The following ZNF236 variants were observed in gnomAD, a reference collection of about 807,000 sequenced individuals.
The protein encoded by ZNF236 is zinc finger protein 236.
Under a neutral mutation model 191.2 loss-of-function variants are expected in ZNF236, and 50 were observed. The observed-to-expected ratio is 0.26, with a 90% CI of 0.21 to 0.33. The LOEUF (loss-of-function observed/expected upper bound fraction) is 0.33, where lower values mean the gene tolerates loss of function less well. Ranked by LOEUF, ZNF236 falls within the 10% of genes least tolerant of loss-of-function variation. ZNF236 has a pLI of 1.00. For synonymous variants in ZNF236, 907 were observed against 928.8 expected, an observed-to-expected ratio of 0.98 and a Z score of 0.43; for missense variants, 1,754 against 2,374.5, an observed-to-expected ratio of 0.74 and a Z score of 5.43.
intron 10 of ZNF236, among the ~76,000 whole-genome samples, chr18:76,897,425 AAC>A (rs1977462450): frequency 6.6e-6 from 1 of 151,374 alleles, no homozygotes; most frequent in African/African-American, 2.4e-5. Flanking sequence ...TACAGTACTA[AAC>A]ACAGTACTAC....
intron 26 of ZNF236, among the ~76,000 whole-genome samples, chr18:76,941,137 G>T (rs539316287): frequency 2.0e-5 from 3 of 152,204 alleles, no homozygotes; most frequent in Non-Finnish European, 4.4e-5. Flanking sequence ...GACTGCTGGT[G>T]TAGTGCACAA....
intron 30 of ZNF236, among the ~76,000 whole-genome samples, chr18:76,962,256 T>C (rs555891918): frequency 6.6e-6 from 1 of 152,310 alleles, no homozygotes; most frequent in East Asian, 1.9e-4. Context: ...GAAGATCCAG[T>C]TTCATTCTCC....
At chr18:76,941,432 C>T (rs930480972) in intron 26 of ZNF236, among the ~76,000 whole-genome samples, 3 of 152,210 alleles carry the variant, frequency 2.0e-5, no homozygotes, top group African/African-American at 7.2e-5. Context: ...GCCCCTGCTA[C>T]GCCACGTGGA....
At chr18:76,837,127 T>TCCC (rs57114708) in intron 1 of ZNF236, among the ~76,000 whole-genome samples, 3 of 37,084 alleles carry the variant, frequency 8.1e-5, no homozygotes, top group South Asian at 3.2e-3. Flanking sequence ...CCGCACCCCC[T>TCCC]CCCCCCCCCC....
intron 11 of ZNF236, among the ~76,000 whole-genome samples, chr18:76,900,582 A>G (rs1977560955): frequency 6.6e-6 from 1 of 152,222 alleles, no homozygotes; most frequent in Admixed American, 6.5e-5. Flanking sequence ...AACTTATAAA[A>G]TAGCCATCCA....
At chr18:76,846,390 C>G (rs1975681735) in intron 1 of ZNF236, among the ~76,000 whole-genome samples, 1 of 152,192 alleles carries the variant, frequency 6.6e-6, no homozygotes, top group African/African-American at 2.4e-5. Flanking sequence ...TGACTTTGAG[C>G]AGAAGGAAAG....
intron 26 of ZNF236, among the ~76,000 whole-genome samples, chr18:76,946,364 C>T (rs1968262696): frequency 6.6e-6 from 1 of 152,200 alleles, no homozygotes. Context: ...TCCAATTAAA[C>T]CTCTTTCTTT....
intron 9 of ZNF236, among the ~76,000 whole-genome samples, chr18:76,889,384 G>A (rs982820702): frequency 2.0e-5 from 3 of 152,128 alleles, no homozygotes; most frequent in African/African-American, 4.8e-5. Flanking sequence ...TGCCCTACCC[G>A]CTTCTCCCCT....
chr18:76,882,642 A>C (rs375140277), intron 9 of ZNF236, among the ~76,000 whole-genome samples: 1 of 152,222 alleles, frequency 6.6e-6, no homozygotes, highest in Non-Finnish European at 1.5e-5. Context: ...CTTCTTTCCT[A>C]GAATACATTT....
At chr18:76,868,139 C>T (rs1035815239) in intron 3 of ZNF236, among the ~76,000 whole-genome samples, 12 of 152,194 alleles carry the variant, frequency 7.9e-5, no homozygotes, top group East Asian at 1.9e-4. Flanking sequence ...AGTTACCCCA[C>T]GCCTTGCTTC....
chr18:76,874,296 G>A (rs1367247610), intron 5 of ZNF236, among the ~76,000 whole-genome samples: 3 of 152,170 alleles, frequency 2.0e-5, no homozygotes, highest in African/African-American at 7.2e-5. Flanking sequence ...GAGAAGCAGG[G>A]ATCTGATGTT....
rs571570251 is a variant in ZNF236 at position 76,898,144 on chromosome 18, A to T, written c.1691-875A>T. 5.3e-5 allele frequency: 8 copies of T among 152,354 alleles called. No homozygotes were observed. The South Asian group carries it at 1.4e-3, about 28-fold the overall frequency. The allele number at this position is 152,354 out of a possible 1,614,324, so 9.4% of individuals were successfully genotyped here. On this transcript the variant is annotated intron_variant, in intron 10 of 30. Coordinates refer to ENST00000320610, the MANE Select transcript of ZNF236 (RefSeq NM_001306089.2). ...ACCTGAAGGCTTTAGCTGGGCCAGGAGGAGGACCGGGGACCTGTTTGTACT... is the reference window on the plus strand; with the variant it reads ...ACCTGAAGGCTTTAGCTGGGCCAGGTGGAGGACCGGGGACCTGTTTGTACT...
chr18:76,871,549 T>C (rs1976584353), intron 4 of ZNF236, 152 bp from the exon 5 acceptor site: 2 of 787,422 alleles, frequency 2.5e-6, no homozygotes, highest in South Asian at 4.1e-5. Context: ...CTAACACATA[T>C]ACACACAGAC....
chr18:76,828,814 A>C (rs1369670709), intron 1 of ZNF236, among the ~76,000 whole-genome samples: 3 of 152,214 alleles, frequency 2.0e-5, no homozygotes, highest in African/African-American at 7.2e-5. Flanking sequence ...CCACAGGCAC[A>C]TGCCACCATG....
chr18:76,842,506 C>A (rs1400809646), intron 1 of ZNF236, among the ~76,000 whole-genome samples: 1 of 151,024 alleles, frequency 6.6e-6, no homozygotes, highest in African/African-American at 2.4e-5. Flanking sequence ...AATCCCAGCA[C>A]TTTGGGAGGC....
In ZNF236 at chr18:76,919,934, G is replaced by A; in HGVS notation, c.3433G>A (p.Ala1145Thr). 6.2e-7 allele frequency: 1 copy of A among 1,614,144 alleles called. No individual in the cohort carries two copies. Among genetic ancestry groups the A allele is most frequent in the Non-Finnish European group, 8.5e-7 (1 of 1,180,026 alleles). The change falls in exon 20 of 31, where the codon GCG (alanine) becomes ACG (threonine). Residue 1145 changes from alanine to threonine, a missense_variant. This residue lies in a region of ZNF236 where 641 missense variants were observed against 869.6 expected (regional missense o/e 0.74). Coordinates refer to ENST00000320610, the MANE Select transcript of ZNF236 (RefSeq NM_001306089.2). This position sits in a 1 kb window ranked among gnomAD's most constrained non-coding sequence, Gnocchi z 5.3. ...GTCAGAGAAGGTCCTGGTGCAGTCC[G>A]CGGCAGAAAAGGACCGCATCAGTGA... ...TVSEKVLVQS[A>T]AEKDRISELR... is the part of the protein sequence containing the mutation.
Position 76,925,122 on chromosome 18 carries a change from G to A in ZNF236, c.3662-67G>A. Reference sequence around the variant, plus strand: ...CATATTTACATCCATAGTGACAGCTGAGTGGGGTGGGGGTGAGTGTCGCGA... The same window carrying A: ...CATATTTACATCCATAGTGACAGCTAAGTGGGGTGGGGGTGAGTGTCGCGA... On this transcript the variant is annotated intron_variant, in intron 21 of 30. Coordinates refer to ENST00000320610, the MANE Select transcript of ZNF236 (RefSeq NM_001306089.2). The surrounding 1 kb of genome is among the most constrained non-coding windows in gnomAD (Gnocchi z 5.7). The A allele has an allele frequency of 1.3e-6, 2 of 1,562,696 alleles. No individual in the cohort carries two copies. Among genetic ancestry groups the A allele is most frequent in the Non-Finnish European group, 8.7e-7 (1 of 1,155,324 alleles).
chr18:76,906,239 C>G (rs1026006686), intron 13 of ZNF236, among the ~76,000 whole-genome samples: 1 of 152,284 alleles, frequency 6.6e-6, no homozygotes, highest in East Asian at 1.9e-4. Context: ...ACAGAATTGA[C>G]GTTTTTGATT....
intron 3 of ZNF236, among the ~76,000 whole-genome samples, chr18:76,866,657 T>C (rs1976417006): frequency 6.6e-6 from 1 of 152,150 alleles, no homozygotes; most frequent in Non-Finnish European, 1.5e-5. Context: ...CTTAGCATCA[T>C]GAGAATTACC....
Sources: gnomAD v4.1 joint callset for allele counts (sites outside exome capture counted in the v4.1 genomes callset) on GRCh38, gnomAD v4.1.1 for gene constraint, gnomAD v4.1.1 regional missense constraint, Gnocchi (gnomAD v3.1) non-coding constraint, MANE v1.5 for transcripts, NCBI Gene and HGNC (gene_info 2026-07-23, HGNC 2026-07-21) for gene names.